Variants in SNX25 observed in about 807,000 individuals in gnomAD.
The protein encoded by SNX25 is sorting nexin-25.
Under a neutral mutation model 113.7 loss-of-function variants are expected in SNX25, and 62 were observed. The observed-to-expected ratio is 0.55, with a 90% CI of 0.44 to 0.67. SNX25 has a LOEUF of 0.67. Ranked by LOEUF, SNX25 falls within the 30% of genes least tolerant of loss-of-function variation. The probability of loss-of-function intolerance (pLI) is 0.00; values close to 1 mark genes in which losing one functional copy is unlikely to be tolerated. For missense variants in SNX25, 1,014 were observed against 1,161.0 expected (o/e 0.87, Z 1.84); for synonymous variants, 421 against 436.2 (o/e 0.97, Z 0.43).
intron 16 of SNX25, among the ~76,000 whole-genome samples, chr4:185,358,183 G>A (rs773950305): frequency 1.3e-4 from 20 of 152,236 alleles, no homozygotes; most frequent in Admixed American, 9.2e-4. Flanking sequence ...TCACAGTTGT[G>A]TAGCACTGAA....
Position 185,283,931 on chromosome 4 carries a change from G to T in SNX25, c.1092-4081G>T, listed in dbSNP as rs1378575449. On this transcript the variant is annotated intron_variant, in intron 5 of 18. Coordinates refer to ENST00000652585, the MANE Select transcript of SNX25 (RefSeq NM_001378034.2). ...AGTCAGATGGTGTGTATTTTCTTTG[G>T]TACCCTTGATGACTCATTTGTTCCA... Among the ~76,000 whole-genome samples, 3 of 151,858 alleles carry T rather than the reference G, an allele frequency of 2.0e-5. No homozygotes were observed. The East Asian group carries it at 5.8e-4, about 29-fold the overall frequency.
At chr4:185,327,911 G>A (rs2095167964) in intron 9 of SNX25, among the ~76,000 whole-genome samples, 1 of 152,312 alleles carries the variant, frequency 6.6e-6, no homozygotes, top group Non-Finnish European at 1.5e-5. Flanking sequence ...GCAGAGATAA[G>A]TATGAAATTG....
At chr4:185,281,815 A>G (rs535504795) in intron 5 of SNX25, among the ~76,000 whole-genome samples, 1 of 152,166 alleles carries the variant, frequency 6.6e-6, no homozygotes, top group Non-Finnish European at 1.5e-5. Flanking sequence ...CAGGAGTTCA[A>G]GACCAGCCTG....
chr4:185,370,438 A>G (rs1030774381), downstream of SNX25, among the ~76,000 whole-genome samples: 1 of 152,166 alleles, frequency 6.6e-6, no homozygotes, highest in African/African-American at 2.4e-5. Context: ...AGGACTTTTA[A>G]TCATTGGAGC....
intron 1 of SNX25, among the ~76,000 whole-genome samples, chr4:185,215,045 A>C (rs1352930567): frequency 6.6e-6 from 1 of 152,112 alleles, no homozygotes; most frequent in African/African-American, 2.4e-5. Flanking sequence ...CCTGGCTAAC[A>C]CAGTGAAACC....
chr4:185,213,218 A>T (rs1484318858), intron 1 of SNX25, among the ~76,000 whole-genome samples: 1 of 152,206 alleles, frequency 6.6e-6, no homozygotes, highest in Middle Eastern at 3.2e-3. Context: ...GAAGAACGTT[A>T]TGTCCATTTA....
intron 7 of SNX25, among the ~76,000 whole-genome samples, chr4:185,311,950 CAAAATAAAAT>C (rs528010871): frequency 5.3e-5 from 8 of 151,984 alleles, no homozygotes; most frequent in African/African-American, 1.7e-4. Flanking sequence ...TTGCTATTAG[CAAAATAAAAT>C]AAAATAAAAT....
At chr4:185,228,357 G>A (rs971713730) in intron 1 of SNX25, among the ~76,000 whole-genome samples, 7 of 152,032 alleles carry the variant, frequency 4.6e-5, no homozygotes, top group Admixed American at 2.6e-4. Flanking sequence ...TCAGAGCATA[G>A]GTGGGGGCAT....
At chr4:185,307,092 G>A (rs749648835) in intron 6 of SNX25, among the ~76,000 whole-genome samples, 11 of 152,074 alleles carry the variant, frequency 7.2e-5, no homozygotes, top group Admixed American at 7.2e-4. Flanking sequence ...GTTAAGTACC[G>A]GAAAAGCTGC....
At chr4:185,312,717 C>T (rs1378144168) in intron 7 of SNX25, among the ~76,000 whole-genome samples, 4 of 151,916 alleles carry the variant, frequency 2.6e-5, no homozygotes, top group East Asian at 1.9e-4. Context: ...AGTAGAGACG[C>T]GGTTTCACTG....
chr4:185,252,555 C>T (rs1265661832), intron 2 of SNX25, among the ~76,000 whole-genome samples: 1 of 152,034 alleles, frequency 6.6e-6, no homozygotes, highest in Admixed American at 6.6e-5. Flanking sequence ...CATTATGGTA[C>T]CATTTTATCT....
intron 1 of SNX25, among the ~76,000 whole-genome samples, chr4:185,213,830 T>A (rs1267488648): frequency 6.6e-6 from 1 of 152,228 alleles, no homozygotes; most frequent in Non-Finnish European, 1.5e-5. Flanking sequence ...CACCATTTCT[T>A]ACGTTTTGAT....
downstream of SNX25, chr4:185,373,991 G>T: frequency 1.5e-6 from 1 of 688,128 alleles, no homozygotes; most frequent in African/African-American, 1.8e-5. Context: ...AGGGCTTTGA[G>T]ATCCTAAAAT....
chr4:185,343,175 G>A (rs2095269009), intron 12 of SNX25, among the ~76,000 whole-genome samples: 1 of 152,186 alleles, frequency 6.6e-6, no homozygotes, highest in Non-Finnish European at 1.5e-5. Context: ...ATAGATGTGA[G>A]CCACCTTGCC....
chr4:185,233,884 G>T (rs1344522027), intron 1 of SNX25, among the ~76,000 whole-genome samples: 1 of 152,028 alleles, frequency 6.6e-6, no homozygotes, highest in Non-Finnish European at 1.5e-5. Flanking sequence ...TTTAGATGGA[G>T]TGTGGCTCTG....
chr4:185,233,856 G>GTGA (rs71593616), intron 1 of SNX25, among the ~76,000 whole-genome samples: 2 of 151,136 alleles, frequency 1.3e-5, no homozygotes, highest in Admixed American at 6.6e-5. Context: ...CAACTTAAGT[G>GTGA]TTATTATTAT....
intron 9 of SNX25, among the ~76,000 whole-genome samples, chr4:185,330,026 A>G (rs1173137805): frequency 6.6e-6 from 1 of 152,294 alleles, no homozygotes; most frequent in African/African-American, 2.4e-5. Flanking sequence ...GTAAGAGTTA[A>G]TGAAAGGAAA....
chr4:185,215,516 A>T (rs969504642), intron 1 of SNX25, among the ~76,000 whole-genome samples: 1 of 152,210 alleles, frequency 6.6e-6, no homozygotes, highest in Non-Finnish European at 1.5e-5. Context: ...TCATTTAGTT[A>T]CTCAAGGGGA....
At chr4:185,245,561 A>G (rs1744746391) in intron 1 of SNX25, among the ~76,000 whole-genome samples, 1 of 151,878 alleles carries the variant, frequency 6.6e-6, no homozygotes, top group African/African-American at 2.4e-5. Flanking sequence ...CTGGACTCAA[A>G]CTCCTGACCT....
Sources: allele counts gnomAD v4.1 joint callset (sites outside exome capture counted in the v4.1 genomes callset), GRCh38; gene constraint gnomAD v4.1.1; transcripts MANE v1.5; gene names NCBI Gene and HGNC (gene_info 2026-07-23, HGNC 2026-07-21).